OR7A10: variants seen among roughly 807,000 people sequenced by gnomAD.
The protein encoded by OR7A10 is olfactory receptor 7A10.
For synonymous variants in OR7A10, 144 were observed against 144.5 expected (o/e 1.00, Z 0.02); for missense variants, 358 against 370.1 (o/e 0.97, Z 0.27).
chr19:14,846,103 G>A (rs547858596), intron 1 of OR7A10, among the ~76,000 whole-genome samples: 3 of 152,200 alleles, frequency 2.0e-5, no homozygotes, highest in Admixed American at 6.5e-5. Context: ...GCAGTAAGCC[G>A]AGATCGCACC....
chr19:14,841,956 C>G (rs988876274), intron 1 of OR7A10, 67 bp from the exon 2 acceptor site: 1 of 922,426 alleles, frequency 1.1e-6, no homozygotes, highest in Non-Finnish European at 1.7e-6. Context: ...CATTCCAAAA[C>G]TATCAGAAAT....
At chr19:14,845,630 G>T (rs981819834) in intron 1 of OR7A10, among the ~76,000 whole-genome samples, 1 of 152,278 alleles carries the variant, frequency 6.6e-6, no homozygotes, top group South Asian at 2.1e-4. Context: ...TTACAAACAG[G>T]GAGAGAAGGG....
Position 14,846,772 on chromosome 19 carries a change from A to G in OR7A10, c.-13+1728T>C, listed in dbSNP as rs944235108. On this transcript the variant is annotated intron_variant, in intron 1 of 1. Transcript: ENST00000641129. ...GGTTATAATTTGATCTTATATAAAGATGTAAGGATTCAAGCATGTTTATGA... is the reference window on the plus strand; with the variant it reads ...GGTTATAATTTGATCTTATATAAAGGTGTAAGGATTCAAGCATGTTTATGA... Among the ~76,000 whole-genome samples, 11 of 151,060 alleles carry G rather than the reference A, an allele frequency of 7.3e-5. No individual in the cohort carries two copies. In the South Asian group the frequency reaches 2.3e-3, roughly 31 times the overall value.
At position 14,843,606 on chromosome 19, in the gene OR7A10, C is replaced by T. The variant is rs188450056; in HGVS notation, c.-12-1717G>A. 2.0e-5 allele frequency among the ~76,000 whole-genome samples: 3 copies of T among 152,282 alleles called. No individual in the cohort carries two copies. The East Asian group carries it at 5.8e-4, about 29-fold the overall frequency. On this transcript the variant is annotated intron_variant, in intron 1 of 1. Transcript: ENST00000641129. ...TCTATATTGTTTGTGAATCTGGTCC[C>T]CGTTAGGAGATCCCCTTGCCATCTC...
In OR7A10 at chr19:14,840,804, T is replaced by C; in HGVS notation, c.*144A>G. 1 of 608,788 alleles carries C rather than the reference T, an allele frequency of 1.6e-6. No individual in the cohort carries two copies. The highest frequency in any genetic ancestry group is 2.9e-6 in the Non-Finnish European group (1 of 344,796). The allele number at this position is 608,788 out of a possible 1,614,324, so 37.7% of individuals were successfully genotyped here. On this transcript the variant is annotated 3_prime_UTR_variant, in exon 2 of 2. Coordinates refer to ENST00000641129, the MANE Select transcript of OR7A10 (RefSeq NM_001005190.2). The stretch of plus-strand genomic sequence containing the variant: ...GAAGAACAGTGTAAGCTCTATAAAG[T>C]AGTTGAGGAACAAAGAAGTTTAAAC...
Position 14,841,183 on chromosome 19 carries a change from T to C in OR7A10, c.695A>G (p.Gln232Arg), listed in dbSNP as rs1308958498. ...GGTGGAAAATGCCTTATACTTCCCC[T>C]GAGCTGATGAGATTGCACGTATGGA... The part of the protein sequence containing the change: ...VSSIRAISSA[Q>R]GKYKAFSTCA... Residue 232 changes from glutamine to arginine, a missense_variant, in exon 2 of 2, where the codon CAG becomes CGG. Gln to Arg is a conservative substitution (Grantham distance 43). Coordinates refer to ENST00000641129, the MANE Select transcript of OR7A10 (RefSeq NM_001005190.2). 6.2e-7 allele frequency: 1 copy of C among 1,614,124 alleles called. No individual in the cohort carries two copies.
At position 14,841,787 on chromosome 19, in the gene OR7A10, A is replaced by G. The variant is rs1297648026; in HGVS notation, c.91T>C (p.Phe31Leu). Residue 31 changes from phenylalanine to leucine, a missense_variant, in exon 2 of 2, where the codon TTC (phenylalanine) becomes CTC (leucine). Coordinates refer to ENST00000641129, the MANE Select transcript of OR7A10 (RefSeq NM_001005190.2). Reference protein sequence around the residue: ...PELQAFLFGLFLSMYLVTVLG... With the variant: ...PELQAFLFGLLLSMYLVTVLG... ...ACAGTGACCAGGTACATGGACAGGAACAGCCCAAAGAGGAAGGCCTGCAAT... is the reference window on the plus strand; with the variant it reads ...ACAGTGACCAGGTACATGGACAGGAGCAGCCCAAAGAGGAAGGCCTGCAAT... 1 of 1,614,104 alleles carries G rather than the reference A, an allele frequency of 6.2e-7. No individual in the cohort carries two copies. The highest frequency in any genetic ancestry group is 1.1e-5 in the South Asian group (1 of 91,072).
Position 14,840,714 on chromosome 19 carries a change from C to A in OR7A10, c.*234G>T. On this transcript the variant is annotated 3_prime_UTR_variant, in exon 2 of 2. Coordinates refer to ENST00000641129, the MANE Select transcript of OR7A10 (RefSeq NM_001005190.2). ...TGTACCCCAACGAAAACAAATATTC[C>A]ATAGTTATTTCATGTATGATTGAAA... 2 of 389,914 alleles carry A rather than the reference C, an allele frequency of 5.1e-6. No individual in the cohort carries two copies. The highest frequency in any genetic ancestry group is 4.6e-6 in the Non-Finnish European group (1 of 217,934). 24.2% of individuals were successfully genotyped at this position (389,914 alleles called of 1,614,324 possible).
chr19:14,842,732 T>C (rs1461986091), intron 1 of OR7A10, among the ~76,000 whole-genome samples: 3 of 152,250 alleles, frequency 2.0e-5, no homozygotes, highest in African/African-American at 7.2e-5. Context: ...TTCCATGGTA[T>C]ATATGTACCA....
Position 14,841,511 on chromosome 19 carries a change from A to G in OR7A10, c.367T>C (p.Phe123Leu). The G allele has an allele frequency of 1.2e-6, 2 of 1,614,212 alleles. No individual in the cohort carries two copies. Among genetic ancestry groups the G allele is most frequent in the South Asian group, 2.2e-5 (2 of 91,090 alleles). ...FLLTVMAYDRFVAICHPLHYM... is the reference protein window; with the variant it reads ...FLLTVMAYDRLVAICHPLHYM... ...TGCAGAGGGTGACAGATGGCCACAA[A>G]CCGGTCATAGGCCATCACGGTCAGA... Residue 123 changes from phenylalanine to leucine, a missense_variant, in exon 2 of 2, where the codon TTT (phenylalanine) becomes CTT (leucine). Phe to Leu is a conservative substitution (Grantham distance 22). Coordinates refer to ENST00000641129, the MANE Select transcript of OR7A10 (RefSeq NM_001005190.2).
At chr19:14,845,050 T>TGC (rs1286564945) in intron 1 of OR7A10, among the ~76,000 whole-genome samples, 3 of 135,606 alleles carry the variant, frequency 2.2e-5, no homozygotes, top group Admixed American at 8.0e-5. Context: ...GCCCTAGAGG[T>TGC]GCACACACAC....
chr19:14,841,296 A>G lies in OR7A10; in HGVS notation c.582T>C (p.Leu194=). 6.2e-7 allele frequency: 1 copy of G among 1,614,208 alleles called. No homozygotes were observed. The highest frequency in any genetic ancestry group is 2.2e-5 in the East Asian group (1 of 44,888). The change falls in exon 2 of 2, where the codon CTT becomes CTC. Residue 194 remains leucine, a synonymous_variant. Transcript: ENST00000641129. ...CTGCAAAATACATCACTATGTCATT[A>G]AGAAAGGTGTCAGAACAGGCAAGGT... ...VVHLACSDTF[L]NDIVMYFAVA... is the part of the protein sequence containing the mutation.
intron 1 of OR7A10, among the ~76,000 whole-genome samples, chr19:14,842,407 C>T (rs1481508425): frequency 6.6e-6 from 1 of 152,180 alleles, no homozygotes; most frequent in African/African-American, 2.4e-5. Flanking sequence ...GGCACCACCA[C>T]GCCCATCTAA....
chr19:14,843,185 A>G (rs1349347236), intron 1 of OR7A10, among the ~76,000 whole-genome samples: 2 of 152,204 alleles, frequency 1.3e-5, no homozygotes, highest in Non-Finnish European at 2.9e-5. Flanking sequence ...AAAATAGCAC[A>G]CACTGCTGAG....
At chr19:14,842,752 T>C (rs1025482542) in intron 1 of OR7A10, among the ~76,000 whole-genome samples, 1 of 152,242 alleles carries the variant, frequency 6.6e-6, no homozygotes, top group African/African-American at 2.4e-5. Context: ...ATATTTTCTT[T>C]ATCCAGTCTA....
intron 1 of OR7A10, among the ~76,000 whole-genome samples, chr19:14,842,601 G>A (rs2044921287): frequency 6.6e-6 from 1 of 152,230 alleles, no homozygotes; most frequent in South Asian, 2.1e-4. Flanking sequence ...CCAATTATTA[G>A]TAAGAACATA....
intron 1 of OR7A10, among the ~76,000 whole-genome samples, chr19:14,847,568 T>C (rs2044948571): frequency 6.6e-6 from 1 of 152,074 alleles, no homozygotes; most frequent in South Asian, 2.1e-4. Context: ...TGGAGTGCAG[T>C]GGCGCGATCT....
chr19:14,842,480 A>C (rs1057294917), intron 1 of OR7A10, among the ~76,000 whole-genome samples: 5 of 152,124 alleles, frequency 3.3e-5, no homozygotes, highest in Middle Eastern at 3.2e-3. Flanking sequence ...TGAACTCCTG[A>C]CCTCAGGTGA....
rs537776517 is a variant in OR7A10 at position 14,841,865 on chromosome 19, T to C, written c.13A>G (p.Asn5Asp). The C allele has an allele frequency of 1.5e-5, 24 of 1,603,474 alleles. No individual in the cohort carries two copies. In the South Asian group the frequency reaches 2.6e-4, roughly 17 times the overall value. MKSWNNTIILEFLLL... is the reference protein window; with the variant it reads MKSWDNTIILEFLLL... ...AGAAATTCTAAAATTATTGTATTGT[T>C]CCATGATTTCATCTTGTGATGTGAC... is the stretch of plus-strand genomic sequence containing the variant. The change falls in exon 2 of 2, where the codon AAC becomes GAC. Residue 5 changes from asparagine to aspartate, a missense_variant. Asn to Asp is a conservative substitution (Grantham distance 23). Coordinates refer to ENST00000641129, the MANE Select transcript of OR7A10 (RefSeq NM_001005190.2).
Sources: gnomAD v4.1 joint callset for allele counts (sites outside exome capture counted in the v4.1 genomes callset) on GRCh38, gnomAD v4.1.1 for gene constraint, MANE v1.5 for transcripts, NCBI Gene and HGNC (gene_info 2026-07-23, HGNC 2026-07-21) for gene names.